Variants in ANPEP observed in about 807,000 individuals in gnomAD.
ANPEP encodes the protein aminopeptidase N.
A neutral mutation model predicts 114.6 loss-of-function variants in ANPEP; 70 were observed. The ratio of observed to expected loss-of-function variants is 0.61; its 90% CI spans 0.50 to 0.75. ANPEP has a LOEUF of 0.75. Among genes scored for constraint, ANPEP ranks in the 30% least tolerant of loss-of-function variants. The pLI is 0.00. For missense variants in ANPEP, 1,184 were observed against 1,259.5 expected (o/e 0.94, Z 0.91); for synonymous variants, 548 against 522.3 (o/e 1.05, Z -0.67).
At chr15:89,789,033 G>T (rs1445305909) in intron 20 of ANPEP, among the ~76,000 whole-genome samples, 1 of 151,516 alleles carries the variant, frequency 6.6e-6, no homozygotes, top group African/African-American at 2.4e-5. Flanking sequence ...AAGCTGGAGT[G>T]CAGTGGCACA....
At position 89,806,675 on chromosome 15, in the gene ANPEP, C is replaced by T. The variant is rs965823340; in HGVS notation, c.-92G>A. On this transcript the variant is annotated 5_prime_UTR_variant, in exon 2 of 21. Coordinates refer to ENST00000300060, the MANE Select transcript of ANPEP (RefSeq NM_001150.3). This position sits in a 1 kb window ranked among gnomAD's most constrained non-coding sequence, Gnocchi z 5.7. Reference sequence around the variant, plus strand: ...GCTTATATCCCCAAAGGGGAGGAGCCCCACAACAGGCAGACTGGGCAAAAA... The same window carrying T: ...GCTTATATCCCCAAAGGGGAGGAGCTCCACAACAGGCAGACTGGGCAAAAA... The T allele has an allele frequency of 2.9e-5, 42 of 1,451,326 alleles. No individual in the cohort carries two copies. Among genetic ancestry groups the T allele is most frequent in the Non-Finnish European group, 3.6e-5 (40 of 1,102,894 alleles). The allele number at this position is 1,451,326 out of a possible 1,614,324, so 89.9% of individuals were successfully genotyped here. A position where few individuals can be genotyped will look rare whatever the true frequency, so the allele number is the denominator to read the frequency against.
Position 89,785,278 on chromosome 15 carries a change from C to T in ANPEP, c.*71G>A. The T allele has an allele frequency of 1.9e-6, 3 of 1,591,562 alleles. 1 individual carries two copies. The highest frequency in any genetic ancestry group is 2.2e-5 in the South Asian group (2 of 89,236). On this transcript the variant is annotated 3_prime_UTR_variant, in exon 21 of 21. Transcript: ENST00000300060. ...GCCTCGGGCTCCAGGAATGGAGGCC[C>T]TGCACCAGCCGCTGGGATGGACACA...
Position 89,797,615 on chromosome 15 carries a change from T to C in ANPEP, c.2117A>G (p.Lys706Arg), listed in dbSNP as rs769460073. 2.5e-6 allele frequency: 4 copies of C among 1,614,168 alleles called. No individual in the cohort carries two copies. The South Asian group carries it at 4.4e-5, about 18-fold the overall frequency. ...EAALSSLSYF[K>R]LMFDRSEVYG... ...GACCTCGGAGCGGTCAAACATGAGC[T>C]TGAAGTAGCTCAGGCTGCTCAGGGC... Residue 706 changes from lysine to arginine, a missense_variant, in exon 15 of 21, where the codon AAG (lysine) becomes AGG (arginine). By Grantham distance (26) the Lys-to-Arg change is conservative. Coordinates refer to ENST00000300060, the MANE Select transcript of ANPEP (RefSeq NM_001150.3).
At chr15:89,802,922 A>C (rs1266098784) in intron 10 of ANPEP, among the ~76,000 whole-genome samples, 1 of 152,024 alleles carries the variant, frequency 6.6e-6, no homozygotes, top group African/African-American at 2.4e-5. Flanking sequence ...CAGGCTCCAG[A>C]GTTCCAGGCA....
Position 89,803,621 on chromosome 15 carries a change from C to T in ANPEP, c.1437+26G>A, listed in dbSNP as rs759364574. ...CAGGCCAAGTCCCCACCTCCTTCCC[C>T]GTGCCCCACGAGGAGCGGGCTGCAC... On this transcript the variant is annotated intron_variant, in intron 8 of 20. Coordinates refer to ENST00000300060, the MANE Select transcript of ANPEP (RefSeq NM_001150.3). This position sits in a 1 kb window ranked among gnomAD's most constrained non-coding sequence, Gnocchi z 4.2. 2.2e-5 allele frequency: 36 copies of T among 1,605,128 alleles called. No individual in the cohort carries two copies. Among genetic ancestry groups the T allele is most frequent in the Non-Finnish European group, 3.0e-5 (35 of 1,174,982 alleles).
Position 89,811,650 on chromosome 15 carries a change from A to T in ANPEP, c.-224+3122T>A, listed in dbSNP as rs1346058080. On this transcript the variant is annotated intron_variant, in intron 1 of 20. Transcript: ENST00000300060. ...GACAGAGTGAGACTCCATCTCAAGT[A>T]AAAAAAAAAAAAAAAAGAAAAAAAG... Among the ~76,000 whole-genome samples, 75 of 134,024 alleles carry T rather than the reference A, an allele frequency of 5.6e-4. 1 individual carries two copies. Among genetic ancestry groups the T allele is most frequent in the Admixed American group, 1.2e-3 (16 of 13,452 alleles). 87.9% of individuals were successfully genotyped at this position (134,024 alleles called of 152,430 possible).
intron 18 of ANPEP, 48 bp from the exon 19 acceptor site, chr15:89,791,141 A>G: frequency 1.2e-6 from 2 of 1,604,742 alleles, no homozygotes; most frequent in Non-Finnish European, 1.7e-6. Flanking sequence ...CAGGTGACTC[A>G]GGAGAGAACT....
At chr15:89,798,690 C>T (rs1894521077) in intron 14 of ANPEP, among the ~76,000 whole-genome samples, 1 of 150,760 alleles carries the variant, frequency 6.6e-6, no homozygotes, top group African/African-American at 2.4e-5. Context: ...GCCTGTAATC[C>T]CAGCACTTTG....
In ANPEP at chr15:89,805,951, C is replaced by CA; in HGVS notation, c.614+18dup. ...AGCACCTCGGATCCACCCCACCGGG[C>CA]AGCCCAGCCGGAACTCACTTTCTGA... On this transcript the variant is annotated intron_variant, in intron 2 of 20. Transcript: ENST00000300060. 1 of 1,568,384 alleles carries CA rather than the reference C, an allele frequency of 6.4e-7. No individual in the cohort carries two copies. The highest frequency in any genetic ancestry group is 8.7e-7 in the Non-Finnish European group (1 of 1,153,106).
intron 20 of ANPEP, among the ~76,000 whole-genome samples, chr15:89,789,983 C>T (rs1193365512): frequency 6.7e-6 from 1 of 148,372 alleles, no homozygotes; most frequent in African/African-American, 2.5e-5. Context: ...GACGTGAACC[C>T]GGGAGGCGGA....
intron 20 of ANPEP, among the ~76,000 whole-genome samples, chr15:89,786,354 C>T (rs187470959): frequency 1.4e-5 from 2 of 143,784 alleles, no homozygotes; most frequent in African/African-American, 2.6e-5. Context: ...CCATATTGCT[C>T]TAGAGATTCA....
rs1255959148 is a variant in ANPEP, at chr15:89,803,985, C to T, written c.1197G>A (p.Val399=). 6.2e-7 allele frequency: 1 copy of T among 1,613,850 alleles called. No homozygotes were observed. The highest frequency in any genetic ancestry group is 1.3e-5 in the African/African-American group (1 of 74,938). The change falls in exon 7 of 21, where the codon GTG becomes GTA. Residue 399 remains valine (V), a synonymous_variant. Coordinates refer to ENST00000300060, the MANE Select transcript of ANPEP (RefSeq NM_001150.3). This position sits in a 1 kb window ranked among gnomAD's most constrained non-coding sequence, Gnocchi z 4.2. ...ELAHQWFGNL[V]TIEWWNDLWL... is the part of the protein sequence containing the mutation. ...ACAGGTCATTCCACCACTCTATGGTCACCAGGTTCCCGAACCACTGTGGGG... is the reference window on the plus strand; with the variant it reads ...ACAGGTCATTCCACCACTCTATGGTTACCAGGTTCCCGAACCACTGTGGGG...
rs772507080 is a variant in ANPEP at position 89,806,146 on chromosome 15, C to T, written c.438G>A (p.Gln146=). Residue 146 remains glutamine, a synonymous_variant, in exon 2 of 21, where the codon CAG becomes CAA. Coordinates refer to ENST00000300060, the MANE Select transcript of ANPEP (RefSeq NM_001150.3). The surrounding 1 kb of genome is among the most constrained non-coding windows in gnomAD (Gnocchi z 5.7). ...GCTCAGTCTTGTCAATGTCGGGGGG[C>T]TGGGAGCCTCCCACACCACGCAGGA... ...RVVLRGVGGS[Q]PPDIDKTELV... 12 of 1,613,940 alleles carry T rather than the reference C, an allele frequency of 7.4e-6. No individual in the cohort carries two copies. Among genetic ancestry groups the T allele is most frequent in the South Asian group, 2.2e-5 (2 of 91,080 alleles).
chr15:89,804,428 G>A, intron 5 of ANPEP, 21 bp from the exon 6 acceptor site: 1 of 1,614,124 alleles, frequency 6.2e-7, no homozygotes, highest in Non-Finnish European at 8.5e-7. Context: ...GATGCCATTG[G>A]CAGGATGAAC....
At chr15:89,793,501 G>A (rs1025422418) in intron 15 of ANPEP, among the ~76,000 whole-genome samples, 1 of 152,040 alleles carries the variant, frequency 6.6e-6, no homozygotes, top group African/African-American at 2.4e-5. Context: ...AGGAGTTCGA[G>A]ATCAGCCTGG....
intron 18 of ANPEP, among the ~76,000 whole-genome samples, chr15:89,791,599 A>ATTTTTTTT (rs10596905): frequency 1.5e-5 from 2 of 135,280 alleles, no homozygotes. Flanking sequence ...CACCATGCCT[A>ATTTTTTTT]TTTTTTTTTT....
chr15:89,810,839 C>T (rs1210576919), intron 1 of ANPEP, among the ~76,000 whole-genome samples: 1 of 152,268 alleles, frequency 6.6e-6, no homozygotes, highest in African/African-American at 2.4e-5. Flanking sequence ...TGCTCCACCC[C>T]AGTGGCCTCT....
At chr15:89,794,522 A>G (rs1383639060) in intron 15 of ANPEP, among the ~76,000 whole-genome samples, 1 of 152,076 alleles carries the variant, frequency 6.6e-6, no homozygotes, top group Non-Finnish European at 1.5e-5. Context: ...AAAAAAATTA[A>G]AGGGACAAGT....
chr15:89,791,090 G>T lies in ANPEP; in HGVS notation c.2532C>A (p.Tyr844Ter). 6.2e-7 allele frequency: 1 copy of T among 1,614,040 alleles called. No individual in the cohort carries two copies. The highest frequency in any genetic ancestry group is 8.5e-7 in the Non-Finnish European group (1 of 1,179,940). The change falls in exon 19 of 21, where the codon TAC (tyrosine) becomes TAA (stop). Residue 844 changes from tyrosine (Y) to a stop codon, truncating the protein, a stop_gained. Coordinates refer to ENST00000300060, the MANE Select transcript of ANPEP (RefSeq NM_001150.3). LOFTEE classifies it high-confidence loss of function. ...AGTCCGGGTTCAGGGTGTAGCTCAG[G>T]TACCTAAGAGGGCCAGATGCTGTCT... ...CSKELWILNR[Y>*]LSYTLNPDLI... is the part of the protein sequence containing the mutation.
Sources: allele counts gnomAD v4.1 joint callset (sites outside exome capture counted in the v4.1 genomes callset), GRCh38; gene constraint gnomAD v4.1.1; non-coding constraint Gnocchi (gnomAD v3.1); transcripts MANE v1.5; gene names NCBI Gene and HGNC (gene_info 2026-07-23, HGNC 2026-07-21).